PCDH11X: variants seen among roughly 807,000 people sequenced by gnomAD.
PCDH11X encodes the protein protocadherin 11 X-linked.
Under a neutral mutation model 53.3 loss-of-function variants are expected in PCDH11X, and 18 were observed. The ratio of observed to expected loss-of-function variants is 0.34; its 90% CI spans 0.23 to 0.50. The LOEUF (loss-of-function observed/expected upper bound fraction) is 0.50. PCDH11X is among the 20% of genes least tolerant of loss of function. The pLI is 0.98. For missense variants in PCDH11X, 570 were observed against 1,032.4 expected (o/e 0.55, Z 6.14); for synonymous variants, 279 against 393.3 (o/e 0.71, Z 3.44).
chrX:92,484,230 T>C (rs2073589679), intron 10 of PCDH11X, among the ~76,000 whole-genome samples: 1 of 95,943 alleles, frequency 1.0e-5, no homozygotes, highest in Non-Finnish European at 2.0e-5. Flanking sequence ...TATATGTATA[T>C]ATGTATATAT....
intron 9 of PCDH11X, among the ~76,000 whole-genome samples, chrX:92,449,680 C>T (rs865809864): frequency 4.5e-5 from 5 of 110,645 alleles, no homozygotes; most frequent in Admixed American, 1.9e-4. Flanking sequence ...AATTACATTG[C>T]GCTTTGCCCA....
intron 8 of PCDH11X, among the ~76,000 whole-genome samples, chrX:92,281,353 C>T (rs1324569535): frequency 1.8e-5 from 2 of 112,059 alleles, no homozygotes; most frequent in Non-Finnish European, 3.8e-5. Flanking sequence ...AAAGTTGCAT[C>T]TCTATTTCTA....
At chrX:92,394,989 G>C (rs2754912) in intron 9 of PCDH11X, among the ~76,000 whole-genome samples, 260 of 111,340 alleles carry the variant, frequency 2.3e-3, no homozygotes, top group African/African-American at 8.1e-3. Context: ...TGATTTTTTA[G>C]TTTACATTTT....
chrX:92,212,507 T>C (rs775753733), intron 7 of PCDH11X, among the ~76,000 whole-genome samples: 14 of 111,031 alleles, frequency 1.3e-4, no homozygotes, highest in Non-Finnish European at 2.1e-4. Flanking sequence ...TGTGCCACCA[T>C]GCCTGGCTAA....
intron 10 of PCDH11X, among the ~76,000 whole-genome samples, chrX:92,523,137 C>A (rs189623134): frequency 1.5e-4 from 17 of 111,984 alleles, no homozygotes; most frequent in African/African-American, 5.2e-4. Context: ...AACATCAAAG[C>A]GACAGGCAAT....
chrX:91,834,400 A>G (rs1937222421), intron 4 of PCDH11X, among the ~76,000 whole-genome samples: 1 of 109,165 alleles, frequency 9.2e-6, no homozygotes, highest in African/African-American at 3.3e-5. Flanking sequence ...AGCAAGAGAG[A>G]TTGATTTTTG....
intron 6 of PCDH11X, among the ~76,000 whole-genome samples, chrX:91,881,425 T>C (rs1278639683): frequency 1.8e-5 from 2 of 111,492 alleles, no homozygotes; most frequent in African/African-American, 3.2e-5. Flanking sequence ...AATTAGCAGA[T>C]GACTTATTTA....
intron 9 of PCDH11X, among the ~76,000 whole-genome samples, chrX:92,464,011 G>A (rs1467502971): frequency 9.0e-6 from 1 of 111,497 alleles, no homozygotes; most frequent in African/African-American, 3.3e-5. Context: ...TAAGGTTTTA[G>A]TTACCTCTAT....
intron 8 of PCDH11X, among the ~76,000 whole-genome samples, chrX:92,383,748 C>T (rs751482687): frequency 1.8e-5 from 2 of 111,741 alleles, no homozygotes; most frequent in East Asian, 5.6e-4. Context: ...GGGTTGGTTC[C>T]AAGTCTTTGC....
At chrX:92,298,741 G>A (rs1206794382) in intron 8 of PCDH11X, among the ~76,000 whole-genome samples, 4 of 110,560 alleles carry the variant, frequency 3.6e-5, no homozygotes, top group African/African-American at 6.6e-5. Context: ...ACTGAGGTTC[G>A]GGCTGCTATT....
intron 7 of PCDH11X, among the ~76,000 whole-genome samples, chrX:92,244,247 C>A (rs757805831): frequency 9.2e-6 from 1 of 108,350 alleles, no homozygotes; most frequent in Non-Finnish European, 1.9e-5. Context: ...ACTTTTGGAC[C>A]GTAATCACTA....
chrX:92,189,603 T>C (rs556121892), intron 6 of PCDH11X, among the ~76,000 whole-genome samples: 7 of 111,540 alleles, frequency 6.3e-5, no homozygotes, highest in African/African-American at 2.3e-4. Context: ...CTGGAGCAAA[T>C]GGTATTTCTG....
At chrX:92,348,140 T>C (rs1359455625) in intron 8 of PCDH11X, among the ~76,000 whole-genome samples, 1 of 111,634 alleles carries the variant, frequency 9.0e-6, no homozygotes, top group Non-Finnish European at 1.9e-5. Context: ...CCTGGATTCC[T>C]AAAGCTGAAG....
intron 6 of PCDH11X, among the ~76,000 whole-genome samples, chrX:92,080,552 G>A (rs1002319567): frequency 7.4e-4 from 82 of 111,044 alleles, no homozygotes; most frequent in Non-Finnish European, 1.2e-3. Context: ...ATTTTACCAG[G>A]AGCAACTGCT....
At chrX:91,910,426 A>G (rs1465516701) in intron 6 of PCDH11X, among the ~76,000 whole-genome samples, 1 of 111,538 alleles carries the variant, frequency 9.0e-6, no homozygotes, top group Non-Finnish European at 1.9e-5. Flanking sequence ...TTCAGTTTTC[A>G]TAGGTAAAAA....
intron 5 of PCDH11X, among the ~76,000 whole-genome samples, chrX:91,871,073 T>C (rs1939274264): frequency 9.1e-6 from 1 of 109,777 alleles, no homozygotes; most frequent in Non-Finnish European, 1.9e-5. Flanking sequence ...TACCACAGTA[T>C]TGAATATATA....
In PCDH11X at chrX:92,059,199, G is replaced by A. The variant is rs1219346139; in HGVS notation, c.3034-142176G>A. ...AAGTTCCAGTTAATATATAAACATAGTAGAAATTTGATACATACTTCTTGA... is the reference window on the plus strand; with the variant it reads ...AAGTTCCAGTTAATATATAAACATAATAGAAATTTGATACATACTTCTTGA... On this transcript the variant is annotated intron_variant, in intron 6 of 10. Coordinates refer to ENST00000682573, the MANE Select transcript of PCDH11X (RefSeq NM_032968.5). Among the ~76,000 whole-genome samples the A allele has an allele frequency of 4.6e-5, 5 of 108,321 alleles. No homozygotes were observed. The East Asian group carries it at 1.2e-3, about 25-fold the overall frequency. The allele number at this position is 108,321 out of a possible 115,157, so 94.1% of individuals were successfully genotyped here.
At chrX:92,500,570 G>A (rs1240749252) in intron 10 of PCDH11X, among the ~76,000 whole-genome samples, 1 of 110,845 alleles carries the variant, frequency 9.0e-6, no homozygotes, top group African/African-American at 3.3e-5. Context: ...TGAAGAGTAT[G>A]CAAGATTAAG....
chrX:92,396,028 C>T (rs1314494012), intron 9 of PCDH11X, among the ~76,000 whole-genome samples: 1 of 106,610 alleles, frequency 9.4e-6, no homozygotes, highest in African/African-American at 3.4e-5. Flanking sequence ...TCTAAAATTA[C>T]TGTTTGTGCT....
Sources: allele counts gnomAD v4.1 joint callset (sites outside exome capture counted in the v4.1 genomes callset), GRCh38; gene constraint gnomAD v4.1.1; transcripts MANE v1.5; gene names NCBI Gene and HGNC (gene_info 2026-07-23, HGNC 2026-07-21).